The following CASR variants were observed in gnomAD, a reference collection of about 807,000 sequenced individuals.
The protein encoded by CASR is extracellular calcium-sensing receptor.
CASR carries 23 observed loss-of-function variants against 69.1 expected under a neutral mutation model. That is an observed-to-expected ratio of 0.33 (90% CI 0.24 to 0.47). The LOEUF is 0.47. CASR is among the 20% of genes least tolerant of loss of function. CASR has a pLI of 1.00. For missense variants in CASR, 924 were observed against 1,356.1 expected, an observed-to-expected ratio of 0.68 and a Z score of 5.00; for synonymous variants, 541 against 544.7, an observed-to-expected ratio of 0.99 and a Z score of 0.10.
At chr3:122,187,978 A>G (rs1364519893) in intron 1 of CASR, among the ~76,000 whole-genome samples, 1 of 152,198 alleles carries the variant, frequency 6.6e-6, no homozygotes, top group Non-Finnish European at 1.5e-5. Flanking sequence ...TAAAGGTAAT[A>G]CTTTCCTCAT....
intron 1 of CASR, among the ~76,000 whole-genome samples, chr3:122,186,880 A>G (rs2073790602): frequency 6.6e-6 from 1 of 152,250 alleles, no homozygotes; most frequent in African/African-American, 2.4e-5. Context: ...CATTTGCTGT[A>G]CTACATGAGC....
chr3:122,212,583 A>G (rs1226733757), intron 1 of CASR, among the ~76,000 whole-genome samples: 1 of 152,194 alleles, frequency 6.6e-6, no homozygotes, highest in East Asian at 1.9e-4. Context: ...AATTTTTTTA[A>G]AAAAAGAAAT....
Position 122,283,875 on chromosome 3 carries a change from C to G in CASR, c.1921C>G (p.Pro641Ala). The G allele has an allele frequency of 6.2e-7, 1 of 1,613,922 alleles. No homozygotes were observed. Among genetic ancestry groups the G allele is most frequent in the Non-Finnish European group, 8.5e-7 (1 of 1,179,996 alleles). ...TGTGTTTATCAAGTTCCGCAACACA[C>G]CCATTGTCAAGGCCACCAACCGAGA... ...LGVFIKFRNT[P>A]IVKATNRELS... Residue 641 changes from proline (P) to alanine (A), a missense_variant, in exon 7 of 7, where the codon CCC becomes GCC. Pro to Ala is a conservative substitution (Grantham distance 27). Coordinates refer to ENST00000639785, the MANE Select transcript of CASR (RefSeq NM_000388.4).
At position 122,232,109 on chromosome 3, in the gene CASR, T is replaced by A. The variant is rs369680871; in HGVS notation, c.-242-21839T>A. 1.1e-4 allele frequency among the ~76,000 whole-genome samples: 16 copies of A among 152,326 alleles called. No individual in the cohort carries two copies. In the East Asian group the frequency reaches 1.7e-3, roughly 17 times the overall value. The stretch of plus-strand genomic sequence containing the variant: ...GTATTCTTTCCTTGCAACTGGACTG[T>A]AAGTTTATATTGCAACCCCAAGAAA... On this transcript the variant is annotated intron_variant, in intron 1 of 6. Transcript: ENST00000639785.
chr3:122,275,926 C>G lies in CASR; in HGVS notation c.1492C>G (p.Pro498Ala). ...TTCCATCATCAACTGGCACCTCTCCCCAGAGGATGGCTCCATCGTGTTTAA... is the reference window on the plus strand; with the variant it reads ...TTCCATCATCAACTGGCACCTCTCCGCAGAGGATGGCTCCATCGTGTTTAA... Reference protein sequence around the residue: ...NYSIINWHLSPEDGSIVFKEV... With the variant: ...NYSIINWHLSAEDGSIVFKEV... Residue 498 changes from proline to alanine, a missense_variant, in exon 5 of 7, where the codon CCA becomes GCA. Physicochemically the swap from Pro to Ala is conservative, Grantham distance 27. Coordinates refer to ENST00000639785, the MANE Select transcript of CASR (RefSeq NM_000388.4). 1 of 1,613,986 alleles carries G rather than the reference C, an allele frequency of 6.2e-7. No individual in the cohort carries two copies. Among genetic ancestry groups the G allele is most frequent in the Non-Finnish European group, 8.5e-7 (1 of 1,179,858 alleles).
At chr3:122,193,326 C>T (rs966460241) in intron 1 of CASR, among the ~76,000 whole-genome samples, 27 of 152,160 alleles carry the variant, frequency 1.8e-4, no homozygotes, top group Admixed American at 6.5e-5. Context: ...AAGCAATTCT[C>T]CTGCCTCAGC....
At chr3:122,241,814 T>G (rs1192481874) in intron 1 of CASR, among the ~76,000 whole-genome samples, 1 of 151,998 alleles carries the variant, frequency 6.6e-6, no homozygotes. Context: ...AACAATACAT[T>G]AAAAATATCA....
intron 1 of CASR, among the ~76,000 whole-genome samples, chr3:122,210,098 A>G (rs189293250): frequency 6.6e-6 from 1 of 152,340 alleles, no homozygotes; most frequent in East Asian, 1.9e-4. Flanking sequence ...CAAAAGAATA[A>G]GAGCTATTTA....
intron 3 of CASR, among the ~76,000 whole-genome samples, chr3:122,259,574 C>CT (rs11414720): frequency 0.27 from 40,209 of 151,114 alleles, 6,235 homozygotes; most frequent in Non-Finnish European, 0.36. Flanking sequence ...AGACCAACGC[C>CT]TTTTATGTTT....
Position 122,259,608 on chromosome 3 carries a change from T to C in CASR, c.493-1920T>C, listed in dbSNP as rs114417117. Reference sequence around the variant, plus strand: ...TTCTAATGTAGAAACTATCCATCAATAAGAAGAAACACATTGGAAATTTTT... The same window carrying C: ...TTCTAATGTAGAAACTATCCATCAACAAGAAGAAACACATTGGAAATTTTT... On this transcript the variant is annotated intron_variant, in intron 3 of 6. Coordinates refer to ENST00000639785, the MANE Select transcript of CASR (RefSeq NM_000388.4). Among the ~76,000 whole-genome samples, 643 of 150,046 alleles carry C rather than the reference T, an allele frequency of 4.3e-3. 3 individuals carry two copies. The highest frequency in any genetic ancestry group is 0.015 in the African/African-American group (597 of 41,028).
intron 1 of CASR, among the ~76,000 whole-genome samples, chr3:122,210,458 A>G (rs1337713575): frequency 1.3e-5 from 2 of 152,162 alleles, no homozygotes; most frequent in Non-Finnish European, 2.9e-5. Context: ...ACAAGCAGAG[A>G]ACCAAATCAT....
chr3:122,219,515 G>A (rs530257349), intron 1 of CASR, among the ~76,000 whole-genome samples: 1 of 152,270 alleles, frequency 6.6e-6, no homozygotes, highest in African/African-American at 2.4e-5. Flanking sequence ...TCAAGACTGG[G>A]GTCACCAAAG....
chr3:122,195,130 A>G (rs1162667161), intron 1 of CASR, among the ~76,000 whole-genome samples: 1 of 152,118 alleles, frequency 6.6e-6, no homozygotes, highest in Non-Finnish European at 1.5e-5. Context: ...CCACTATGAC[A>G]GCACTCAACA....
chr3:122,254,734 C>T (rs942558456), intron 2 of CASR, among the ~76,000 whole-genome samples: 2 of 152,128 alleles, frequency 1.3e-5, no homozygotes, highest in Non-Finnish European at 2.9e-5. Flanking sequence ...GTAAAATCCC[C>T]CATTGACCTT....
intron 4 of CASR, among the ~76,000 whole-genome samples, chr3:122,273,165 C>T (rs780232349): frequency 1.6e-4 from 25 of 152,162 alleles, no homozygotes; most frequent in Non-Finnish European, 1.0e-4. Context: ...AGCTTTACCA[C>T]AATATATGCA....
chr3:122,280,074 G>T (rs1005096461), intron 5 of CASR, among the ~76,000 whole-genome samples: 1 of 151,968 alleles, frequency 6.6e-6, no homozygotes, highest in Admixed American at 6.6e-5. Context: ...CCTGCAAAAC[G>T]TAATTCATCA....
At chr3:122,186,438 TTAAGA>T (rs1430267660) in intron 1 of CASR, among the ~76,000 whole-genome samples, 1 of 152,196 alleles carries the variant, frequency 6.6e-6, no homozygotes, top group Non-Finnish European at 1.5e-5. Context: ...CATATAATTC[TTAAGA>T]TAACACGGCA....
intron 4 of CASR, among the ~76,000 whole-genome samples, chr3:122,273,557 T>A (rs192354286): frequency 2.0e-5 from 3 of 152,140 alleles, no homozygotes; most frequent in African/African-American, 7.2e-5. Flanking sequence ...GGAAACTCTA[T>A]GATTAGGATG....
In CASR at chr3:122,282,134, C is replaced by T. The variant is rs886041637; in HGVS notation, c.1630C>T (p.Arg544Ter). ...CCAGGTGCCCTTCTCCAACTGCAGC[C>T]GAGACTGCCTGGCAGGGACCAGGAA... ...SREVPFSNCSRDCLAGTRKGI... is the reference protein window; with the variant it reads ...SREVPFSNCS The change falls in exon 6 of 7, where the codon CGA becomes TGA. Residue 544 changes from arginine (R) to a stop codon, truncating the protein, a stop_gained. Coordinates refer to ENST00000639785, the MANE Select transcript of CASR (RefSeq NM_000388.4). LOFTEE classifies it high-confidence loss of function. 5.6e-6 allele frequency: 9 copies of T among 1,614,086 alleles called. No individual in the cohort carries two copies. Among genetic ancestry groups the T allele is most frequent in the East Asian group, 4.5e-5 (2 of 44,906 alleles).
Sources: gnomAD v4.1 joint callset for allele counts (sites outside exome capture counted in the v4.1 genomes callset) on GRCh38, gnomAD v4.1.1 for gene constraint, MANE v1.5 for transcripts, NCBI Gene and HGNC (gene_info 2026-07-23, HGNC 2026-07-21) for gene names.